Variants in ANKRD42 observed in about 807,000 individuals in gnomAD.
The protein encoded by ANKRD42 is ankyrin repeat domain-containing protein 42.
Under a neutral mutation model 51.5 loss-of-function variants are expected in ANKRD42, and 43 were observed. The ratio of observed to expected loss-of-function variants is 0.83; its 90% CI spans 0.65 to 1.08. The LOEUF (loss-of-function observed/expected upper bound fraction) is 1.08, where lower values mean the gene tolerates loss of function less well. Among genes scored for constraint, ANKRD42 ranks in the 50% least tolerant of loss-of-function variants. The pLI is 0.00. For synonymous variants in ANKRD42, 203 were observed against 213.0 expected, an observed-to-expected ratio of 0.95 and a Z score of 0.41; for missense variants, 608 against 629.3, an observed-to-expected ratio of 0.97 and a Z score of 0.36.
At chr11:83,227,718 A>C (rs1403793427) in intron 6 of ANKRD42, 29 bp from the exon 7 acceptor site, 1 of 1,591,874 alleles carries the variant, frequency 6.3e-7, no homozygotes, top group African/African-American at 1.4e-5. Flanking sequence ...TCTTATGTTT[A>C]TTGAAATGCT....
intron 5 of ANKRD42, 22 bp from the exon 6 acceptor site, chr11:83,224,833 A>C: frequency 1.3e-6 from 2 of 1,530,452 alleles, no homozygotes; most frequent in South Asian, 2.6e-5. Flanking sequence ...AAATTAAATT[A>C]ATTTTTTTTC....
chr11:83,197,899 C>T (rs1437855227), intron 1 of ANKRD42, among the ~76,000 whole-genome samples: 1 of 152,088 alleles, frequency 6.6e-6, no homozygotes, highest in African/African-American at 2.4e-5. Context: ...CTAGGGAGGC[C>T]TTTGTTATGG....
chr11:83,258,598 A>T (rs2135571231), downstream of ANKRD42, among the ~76,000 whole-genome samples: 1 of 152,264 alleles, frequency 6.6e-6, no homozygotes, highest in South Asian at 2.1e-4. Context: ...CTAAGAGGAG[A>T]GCTGTGAAAA....
At chr11:83,212,047 C>T (rs1862342913) in intron 5 of ANKRD42, among the ~76,000 whole-genome samples, 1 of 151,912 alleles carries the variant, frequency 6.6e-6, no homozygotes, top group African/African-American at 2.4e-5. Flanking sequence ...TTTAACTTCA[C>T]CTCTCTCTGC....
downstream of ANKRD42, among the ~76,000 whole-genome samples, chr11:83,256,556 T>C (rs966574885): frequency 9.2e-5 from 14 of 152,226 alleles, no homozygotes; most frequent in East Asian, 1.5e-3. Context: ...CCTACCCCCC[T>C]CTCTTTTCTC....
intron 2 of ANKRD42, among the ~76,000 whole-genome samples, chr11:83,199,172 G>A (rs1414706890): frequency 1.3e-5 from 2 of 152,164 alleles, no homozygotes; most frequent in African/African-American, 4.8e-5. Context: ...TGCTTTAGTA[G>A]TGTCAGATTT....
At chr11:83,206,325 C>A (rs975946948) in intron 3 of ANKRD42, among the ~76,000 whole-genome samples, 160 bp downstream of exon 3, 1 of 152,226 alleles carries the variant, frequency 6.6e-6, no homozygotes, top group African/African-American at 2.4e-5. Flanking sequence ...CAGCTATCCA[C>A]TTAAACAAAT....
chr11:83,196,145 C>T (rs1861645073), intron 1 of ANKRD42, among the ~76,000 whole-genome samples: 1 of 152,194 alleles, frequency 6.6e-6, no homozygotes, highest in East Asian at 1.9e-4. Context: ...CCCGGCCAAT[C>T]AACCTACTCT....
chr11:83,248,495 T>C lies in ANKRD42; in HGVS notation c.*291T>C. The C allele has an allele frequency of 9.4e-7, 1 of 1,067,068 alleles. No homozygotes were observed. The highest frequency in any genetic ancestry group is 1.1e-6 in the Non-Finnish European group (1 of 883,370). 66.1% of individuals were successfully genotyped at this position (1,067,068 alleles called of 1,614,324 possible). On this transcript the variant is annotated 3_prime_UTR_variant, in exon 11 of 11. Coordinates refer to ENST00000533342, the MANE Select transcript of ANKRD42 (RefSeq NM_001300975.2). The stretch of plus-strand genomic sequence containing the variant: ...AGAATTCTAAGACAGCTAGAGGATA[T>C]GTATATTTTAATATTCTAAATAACC...
chr11:83,240,458 C>T (rs1863352819), intron 8 of ANKRD42, among the ~76,000 whole-genome samples: 1 of 152,224 alleles, frequency 6.6e-6, no homozygotes, highest in Non-Finnish European at 1.5e-5. Flanking sequence ...TTGAGCAGCT[C>T]TGCTTGAGAG....
chr11:83,220,739 GT>G lies in ANKRD42; in HGVS notation c.587-4108del, dbSNP rs34643259. On this transcript the variant is annotated intron_variant, in intron 5 of 10. Coordinates refer to ENST00000533342, the MANE Select transcript of ANKRD42 (RefSeq NM_001300975.2). ...TAGCCTGTGTGGTTTTTCTTGAGAA[GT>G]TTTTTTTGCCAGACAAACTGGGGCA... 3.3e-5 allele frequency among the ~76,000 whole-genome samples: 5 copies of G among 151,934 alleles called. No homozygotes were observed. The South Asian group carries it at 1.0e-3, about 32-fold the overall frequency.
chr11:83,230,622 G>A (rs534494), intron 7 of ANKRD42, among the ~76,000 whole-genome samples: 40,972 of 150,258 alleles, frequency 0.27, 6,187 homozygotes, highest in Non-Finnish European at 0.35. Context: ...AGTCTCACTC[G>A]GTCGCCCAGG....
At chr11:83,254,276 G>A (rs1043098131) in intron 11 of ANKRD42, among the ~76,000 whole-genome samples, 2 of 151,698 alleles carry the variant, frequency 1.3e-5, no homozygotes, top group Admixed American at 6.6e-5. Context: ...TACCCTGCCT[G>A]TTTCTGGAAG....
chr11:83,258,365 A>C (rs182437220), downstream of ANKRD42, among the ~76,000 whole-genome samples: 1 of 151,712 alleles, frequency 6.6e-6, no homozygotes, highest in African/African-American at 2.4e-5. Context: ...AAGGTTATTA[A>C]AGAGATTTAA....
chr11:83,206,022 C>A (rs541796181), intron 2 of ANKRD42, 36 bp from the exon 3 acceptor site: 5 of 1,536,326 alleles, frequency 3.3e-6, no homozygotes, highest in Admixed American at 1.7e-5. Flanking sequence ...TTAAAAACAT[C>A]CACTTTATCA....
chr11:83,224,786 A>AATACATAC, intron 5 of ANKRD42, 69 bp from the exon 6 acceptor site: 1 of 1,257,484 alleles, frequency 8.0e-7, no homozygotes. Context: ...CTTGTCTCTA[A>AATACATAC]ATACATACAT....
chr11:83,245,758 C>A, intron 10 of ANKRD42, 134 bp downstream of exon 10: 1 of 992,080 alleles, frequency 1.0e-6, no homozygotes, highest in South Asian at 2.0e-5. Context: ...CTCCTAAGCC[C>A]TTAGATGACA....
In ANKRD42 at chr11:83,198,527, C is replaced by A. The variant is rs1861748600; in HGVS notation, c.107C>A (p.Ala36Asp). The change falls in exon 2 of 11, where the codon GCT becomes GAT. Residue 36 changes from alanine to aspartate, a missense_variant. Physicochemically the swap from Ala to Asp is moderately radical, Grantham distance 126. Transcript: ENST00000533342. ...HFGSIHDAVR[A>D]GDVKQLSEIV... ...GGCAGCATACATGATGCAGTACGAG[C>A]TGGAGATGTAAAGCAGCTTTCAGAA... 1 of 1,613,834 alleles carries A rather than the reference C, an allele frequency of 6.2e-7. No individual in the cohort carries two copies. Among genetic ancestry groups the A allele is most frequent in the Non-Finnish European group, 8.5e-7 (1 of 1,179,860 alleles).
chr11:83,236,816 A>G (rs1183514951), intron 8 of ANKRD42, among the ~76,000 whole-genome samples: 2 of 152,206 alleles, frequency 1.3e-5, no homozygotes, highest in African/African-American at 4.8e-5. Context: ...TGGGAATGCT[A>G]AATGTTCTGC....
Sources: gnomAD v4.1 joint callset for allele counts (sites outside exome capture counted in the v4.1 genomes callset) on GRCh38, gnomAD v4.1.1 for gene constraint, MANE v1.5 for transcripts, NCBI Gene and HGNC (gene_info 2026-07-23, HGNC 2026-07-21) for gene names.